The following LRP1B variants were observed in gnomAD, a reference collection of about 807,000 sequenced individuals.
LRP1B encodes the protein LDL receptor related protein 1B.
In LRP1B, 217 loss-of-function variants were observed where a neutral mutation model predicts 556.6. The observed-to-expected ratio is 0.39, with a 90% CI of 0.35 to 0.44. The LOEUF (loss-of-function observed/expected upper bound fraction) is 0.44, where lower values mean the gene tolerates loss of function less well. LRP1B is among the 20% of genes least tolerant of loss of function. LRP1B has a pLI of 1.00. For synonymous variants in LRP1B, 2,047 were observed against 1,865.8 expected (o/e 1.10, Z -2.50); for missense variants, 5,053 against 5,620.8 (o/e 0.90, Z 3.23).
chr2:140,522,419 C>CA, intron 49 of LRP1B, among the ~76,000 whole-genome samples: 1 of 151,526 alleles, frequency 6.6e-6, no homozygotes, highest in Middle Eastern at 3.4e-3. Context: ...TGAGATGTGG[C>CA]AAAAACAGTA....
chr2:141,368,508 G>T (rs1689122174), intron 3 of LRP1B, among the ~76,000 whole-genome samples: 1 of 152,168 alleles, frequency 6.6e-6, no homozygotes. Context: ...TATGAGGACA[G>T]AAAATATCAC....
At chr2:140,383,312 G>A (rs1683617412) in intron 67 of LRP1B, among the ~76,000 whole-genome samples, 1 of 151,926 alleles carries the variant, frequency 6.6e-6, no homozygotes, top group Non-Finnish European at 1.5e-5. Context: ...GTGTGTGTGT[G>A]TGTGTGTGTG....
rs1175616888 is a variant in LRP1B, at chr2:141,544,296, CTCT to C, written c.206-63766_206-63764del. ...AAGTCTTCTCTTAAGAAATTTACCA[CTCT>C]TCTTCTTCTTCTTCTTCTTCTTCTT... On this transcript the variant is annotated intron_variant, in intron 2 of 90. Coordinates refer to ENST00000389484, the MANE Select transcript of LRP1B (RefSeq NM_018557.3). Among the ~76,000 whole-genome samples the C allele has an allele frequency of 9.4e-4, 74 of 78,322 alleles. 1 individual carries two copies. Among genetic ancestry groups the C allele is most frequent in the African/African-American group, 3.6e-3 (70 of 19,366 alleles). 51.4% of individuals were successfully genotyped at this position (78,322 alleles called of 152,430 possible). A position where few individuals can be genotyped will look rare whatever the true frequency, so the allele number is the denominator to read the frequency against.
At chr2:140,961,201 G>A (rs1464294850) in intron 18 of LRP1B, among the ~76,000 whole-genome samples, 1 of 151,828 alleles carries the variant, frequency 6.6e-6, no homozygotes, top group East Asian at 1.9e-4. Context: ...AGGATACATA[G>A]GATAGTAACA....
intron 3 of LRP1B, among the ~76,000 whole-genome samples, chr2:141,280,512 G>C (rs997950775): frequency 5.6e-4 from 85 of 151,730 alleles, no homozygotes; most frequent in African/African-American, 2.0e-3. Context: ...GCCATGAAAA[G>C]CAATGGCAAA....
intron 2 of LRP1B, among the ~76,000 whole-genome samples, chr2:141,644,080 A>G (rs1689454809): frequency 6.6e-6 from 1 of 150,880 alleles, no homozygotes; most frequent in South Asian, 2.1e-4. Context: ...TCAAAATTAT[A>G]TGTCCAGGCT....
chr2:140,530,735 C>T (rs1445856730), intron 47 of LRP1B, among the ~76,000 whole-genome samples: 3 of 152,036 alleles, frequency 2.0e-5, no homozygotes, highest in Non-Finnish European at 4.4e-5. Flanking sequence ...CTGCATTCAG[C>T]GTGACCAGCT....
chr2:141,949,242 C>T (rs1046204089), intron 1 of LRP1B, among the ~76,000 whole-genome samples: 13 of 152,130 alleles, frequency 8.5e-5, no homozygotes, highest in Non-Finnish European at 1.5e-4. Context: ...TCTAGCTCTT[C>T]CAGTCAACCC....
At chr2:140,649,291 T>C (rs1441556627) in intron 41 of LRP1B, among the ~76,000 whole-genome samples, 1 of 152,190 alleles carries the variant, frequency 6.6e-6, no homozygotes, top group Non-Finnish European at 1.5e-5. Flanking sequence ...GGCCATCAAT[T>C]TCTGTCCATT....
At chr2:141,774,223 C>A (rs1004159869) in intron 2 of LRP1B, among the ~76,000 whole-genome samples, 3 of 152,096 alleles carry the variant, frequency 2.0e-5, no homozygotes, top group African/African-American at 7.2e-5. Flanking sequence ...AAATAAATAC[C>A]TGAGGCTGGG....
intron 2 of LRP1B, among the ~76,000 whole-genome samples, chr2:141,569,606 T>C (rs1035958870): frequency 3.3e-5 from 5 of 151,076 alleles, no homozygotes; most frequent in Non-Finnish European, 7.4e-5. Flanking sequence ...AATAGAAATG[T>C]TTTAAGCAAC....
chr2:140,544,475 C>T (rs1248930715), intron 43 of LRP1B, among the ~76,000 whole-genome samples: 1 of 152,082 alleles, frequency 6.6e-6, no homozygotes, highest in Non-Finnish European at 1.5e-5. Flanking sequence ...GCTCCTCTCA[C>T]CCTCTGCCCT....
At chr2:142,051,647 T>A (rs1284379842) in intron 1 of LRP1B, among the ~76,000 whole-genome samples, 1 of 151,972 alleles carries the variant, frequency 6.6e-6, no homozygotes, top group Non-Finnish European at 1.5e-5. Context: ...AGCTAATTTT[T>A]TGTATTTTTA....
chr2:141,644,769 A>G (rs367756665), intron 2 of LRP1B, among the ~76,000 whole-genome samples: 1 of 146,642 alleles, frequency 6.8e-6, no homozygotes, highest in Non-Finnish European at 1.5e-5. Flanking sequence ...ACACGCATAC[A>G]CATGCACACA....
intron 5 of LRP1B, among the ~76,000 whole-genome samples, chr2:141,237,353 GT>G (rs11327977): frequency 0.35 from 32,497 of 93,430 alleles, 4,214 homozygotes; most frequent in East Asian, 0.65. Flanking sequence ...GTGTTCTAGT[GT>G]TTTTTTTTTT....
chr2:140,450,551 T>C lies in LRP1B; in HGVS notation c.10057+17A>G. The C allele has an allele frequency of 6.4e-7, 1 of 1,570,422 alleles. No homozygotes were observed. The highest frequency in any genetic ancestry group is 8.7e-7 in the Non-Finnish European group (1 of 1,143,002). Reference sequence around the variant, plus strand: ...GAACTCTAAATTCTAAATTTCAATATTTGCCAGTATACTCACGACAGTCAT... The same window carrying C: ...GAACTCTAAATTCTAAATTTCAATACTTGCCAGTATACTCACGACAGTCAT... On this transcript the variant is annotated intron_variant, in intron 63 of 90. Transcript: ENST00000389484.
chr2:141,286,453 G>C (rs1289476681), intron 3 of LRP1B, among the ~76,000 whole-genome samples: 1 of 152,060 alleles, frequency 6.6e-6, no homozygotes, highest in Admixed American at 6.5e-5. Flanking sequence ...TCAGATCTTG[G>C]TATTAGGGTT....
Position 141,305,596 on chromosome 2 carries a change from A to G in LRP1B, c.344-50955T>C, listed in dbSNP as rs942981664. On this transcript the variant is annotated intron_variant, in intron 3 of 90. Transcript: ENST00000389484. The stretch of plus-strand genomic sequence containing the variant: ...GGATGCCTTTTCTTTCTCTTGCCCT[A>G]TTGCCCTTGCTAGGACTTCCAGTAG... Among the ~76,000 whole-genome samples, 6 of 152,036 alleles carry G rather than the reference A, an allele frequency of 3.9e-5. 1 individual carries two copies. The highest frequency in any genetic ancestry group is 4.1e-4 in the South Asian group (2 of 4,828).
chr2:140,272,465 T>C (rs1682506945), intron 85 of LRP1B, among the ~76,000 whole-genome samples: 1 of 151,966 alleles, frequency 6.6e-6, no homozygotes, highest in Non-Finnish European at 1.5e-5. Context: ...AAATATGCAA[T>C]TGGCTCTGTT....
Sources: allele counts gnomAD v4.1 joint callset (sites outside exome capture counted in the v4.1 genomes callset), GRCh38; gene constraint gnomAD v4.1.1; transcripts MANE v1.5; gene names NCBI Gene and HGNC (gene_info 2026-07-23, HGNC 2026-07-21).